Variants in SNAP91 observed in about 807,000 individuals in gnomAD.
SNAP91 encodes clathrin coat assembly protein AP180.
In SNAP91, 27 loss-of-function variants were observed where a neutral mutation model predicts 100.3. The observed-to-expected ratio is 0.27, with a 90% CI of 0.20 to 0.37. The LOEUF (loss-of-function observed/expected upper bound fraction) is 0.37, where lower values mean the gene tolerates loss of function less well. Ranked by LOEUF, SNAP91 falls within the 10% of genes least tolerant of loss-of-function variation. The pLI is 1.00. For synonymous variants in SNAP91, 404 were observed against 398.6 expected, an observed-to-expected ratio of 1.01 and a Z score of -0.16; for missense variants, 986 against 1,123.7, an observed-to-expected ratio of 0.88 and a Z score of 1.75.
intron 2 of SNAP91, among the ~76,000 whole-genome samples, chr6:83,672,925 T>G (rs1028357263): frequency 5.8e-4 from 89 of 152,250 alleles, no homozygotes; most frequent in African/African-American, 2.1e-3. Flanking sequence ...AATTTTCCTT[T>G]GCACAAATGT....
At chr6:83,623,447 TA>T (rs2096810223) in intron 8 of SNAP91, 105 bp from the exon 9 acceptor site, 1 of 767,960 alleles carries the variant, frequency 1.3e-6, no homozygotes. Context: ...AATATTGGTG[TA>T]AATGAATTAT....
rs776191898 is a variant in SNAP91, at chr6:83,559,986, C to G, written c.2631+118G>C. The G allele has an allele frequency of 6.1e-5, 50 of 825,280 alleles. No homozygotes were observed. In the Middle Eastern group the frequency reaches 1.4e-3, roughly 23 times the overall value. The allele number at this position is 825,280 out of a possible 1,614,324, so 51.1% of individuals were successfully genotyped here. A position where few individuals can be genotyped will look rare whatever the true frequency, so the allele number is the denominator to read the frequency against. ...TCTGTCTTCCAAGCTCCCTTTACTT[C>G]TGAAGCAACAGGTATGAGGATTACA... On this transcript the variant is annotated intron_variant, in intron 28 of 29. Transcript: ENST00000369694.
At chr6:83,661,673 ATTT>A in intron 4 of SNAP91, 69 bp from the exon 5 acceptor site, 3 of 797,550 alleles carry the variant, frequency 3.8e-6, no homozygotes, top group Non-Finnish European at 5.9e-6. Context: ...GCATAGTACT[ATTT>A]TTTTTTAACT....
chr6:83,619,906 T>C (rs972617239), intron 9 of SNAP91, among the ~76,000 whole-genome samples: 2 of 152,200 alleles, frequency 1.3e-5, no homozygotes, highest in East Asian at 1.9e-4. Flanking sequence ...AAAGCAATCA[T>C]AAGATCATTC....
chr6:83,632,311 G>A (rs768488367), intron 8 of SNAP91, among the ~76,000 whole-genome samples: 2 of 152,026 alleles, frequency 1.3e-5, no homozygotes, highest in Non-Finnish European at 2.9e-5. Context: ...CTGTCTCACA[G>A]CTCTTAAGAT....
chr6:83,686,251 C>A, intron 2 of SNAP91: 1 of 933,424 alleles, frequency 1.1e-6, no homozygotes, highest in Non-Finnish European at 1.3e-6. Flanking sequence ...TTAGATGAAC[C>A]CTCACAGGTA....
At chr6:83,708,099 C>G in intron 1 of SNAP91, 142 bp from the exon 2 acceptor site, 1 of 666,944 alleles carries the variant, frequency 1.5e-6, no homozygotes, top group Non-Finnish European at 2.3e-6. Flanking sequence ...GCCAGCAACG[C>G]GCCAAGCCCC....
intron 16 of SNAP91, among the ~76,000 whole-genome samples, chr6:83,596,080 A>G (rs1335684968): frequency 6.6e-6 from 1 of 152,156 alleles, no homozygotes; most frequent in East Asian, 1.9e-4. Flanking sequence ...TTAGAGACAG[A>G]GTCTTGCTCT....
At chr6:83,675,551 T>A (rs2128870564) in intron 2 of SNAP91, among the ~76,000 whole-genome samples, 1 of 152,300 alleles carries the variant, frequency 6.6e-6, no homozygotes, top group Middle Eastern at 3.4e-3. Flanking sequence ...AAAATTCTCT[T>A]ACACTATTTG....
intron 8 of SNAP91, among the ~76,000 whole-genome samples, chr6:83,625,174 G>C (rs952619036): frequency 6.6e-6 from 1 of 152,074 alleles, no homozygotes; most frequent in African/African-American, 2.4e-5. Context: ...GTTCACTTAC[G>C]ATAATGGCCC....
intron 2 of SNAP91, among the ~76,000 whole-genome samples, chr6:83,687,608 T>C (rs2099077230): frequency 6.6e-6 from 1 of 152,134 alleles, no homozygotes; most frequent in Admixed American, 6.5e-5. Flanking sequence ...CTGAGTGAAA[T>C]GGGGGTTACT....
chr6:83,678,709 C>G (rs1300174064), intron 2 of SNAP91: 5 of 1,259,568 alleles, frequency 4.0e-6, no homozygotes, highest in African/African-American at 1.5e-5. Context: ...TCCTGCTCCT[C>G]CCCTATTGAG....
intron 26 of SNAP91, among the ~76,000 whole-genome samples, chr6:83,563,714 A>T (rs1792074922): frequency 6.6e-6 from 1 of 152,238 alleles, no homozygotes; most frequent in Non-Finnish European, 1.5e-5. Flanking sequence ...CTGGGGAACT[A>T]GCAATGAATA....
Position 83,566,939 on chromosome 6 carries a change from T to C in SNAP91, c.2443-5992A>G, listed in dbSNP as rs1797470946. Among the ~76,000 whole-genome samples, 4 of 152,296 alleles carry C rather than the reference T, an allele frequency of 2.6e-5. No homozygotes were observed. The South Asian group carries it at 8.3e-4, about 32-fold the overall frequency. On this transcript the variant is annotated intron_variant, in intron 26 of 29. Transcript: ENST00000369694. ...GCTGGAGCTCTCTGAACCTCTTCTG[T>C]TTCCGAGAGGTACCTGATTCATGGA...
chr6:83,684,406 A>T (rs1156605458), intron 2 of SNAP91, among the ~76,000 whole-genome samples: 1 of 152,098 alleles, frequency 6.6e-6, no homozygotes, highest in Non-Finnish European at 1.5e-5. Context: ...GCTCTTTCAC[A>T]ACTGTATGTG....
chr6:83,629,547 G>C (rs2097121215), intron 8 of SNAP91, among the ~76,000 whole-genome samples: 1 of 152,044 alleles, frequency 6.6e-6, no homozygotes, highest in South Asian at 2.1e-4. Context: ...GTGTTTTGTA[G>C]TTTTCCTTGT....
chr6:83,662,643 A>G (rs1472784020), intron 3 of SNAP91, among the ~76,000 whole-genome samples: 2 of 152,144 alleles, frequency 1.3e-5, no homozygotes. Flanking sequence ...TGGAAATACT[A>G]CAATTTATTA....
Position 83,610,271 on chromosome 6 carries a change from G to A in SNAP91, c.912+379C>T, listed in dbSNP as rs376993921. Reference sequence around the variant, plus strand: ...ATATACATATAATGGAATATAATTCGGCCTTCAAAAGGGAGGAAATTCAGG... The same window carrying A: ...ATATACATATAATGGAATATAATTCAGCCTTCAAAAGGGAGGAAATTCAGG... On this transcript the variant is annotated intron_variant, in intron 12 of 29. Coordinates refer to ENST00000369694, the MANE Select transcript of SNAP91 (RefSeq NM_001242792.2). Among the ~76,000 whole-genome samples the A allele has an allele frequency of 9.2e-5, 14 of 151,800 alleles. No homozygotes were observed. The East Asian group carries it at 1.5e-3, about 17-fold the overall frequency.
intron 28 of SNAP91, among the ~76,000 whole-genome samples, chr6:83,557,415 C>T (rs1413720303): frequency 2.0e-5 from 3 of 151,964 alleles, no homozygotes; most frequent in African/African-American, 7.3e-5. Context: ...TCTGTAAAAT[C>T]CCAGCACTTT....
Sources: allele counts gnomAD v4.1 joint callset (sites outside exome capture counted in the v4.1 genomes callset), GRCh38; gene constraint gnomAD v4.1.1; transcripts MANE v1.5; gene names NCBI Gene and HGNC (gene_info 2026-07-23, HGNC 2026-07-21).